Variants in NR1H4 observed in about 807,000 individuals in gnomAD.
The protein encoded by NR1H4 is bile acid receptor.
A neutral mutation model predicts 58.5 loss-of-function variants in NR1H4; 23 were observed. The observed-to-expected ratio is 0.39, with a 90% CI of 0.28 to 0.56. The LOEUF is 0.56. Among genes scored for constraint, NR1H4 ranks in the 20% least tolerant of loss-of-function variants. The pLI is 0.58. For synonymous variants in NR1H4, 214 were observed against 198.0 expected, an observed-to-expected ratio of 1.08 and a Z score of -0.68; for missense variants, 487 against 576.9, an observed-to-expected ratio of 0.84 and a Z score of 1.60.
intron 1 of NR1H4, among the ~76,000 whole-genome samples, chr12:100,490,594 T>C (rs920225687): frequency 1.3e-5 from 2 of 152,154 alleles, no homozygotes; most frequent in African/African-American, 4.8e-5. Context: ...TGCCTAAATT[T>C]TGATGGGGAG....
chr12:100,478,999 C>T (rs1252294366), intron 1 of NR1H4, among the ~76,000 whole-genome samples: 1 of 152,236 alleles, frequency 6.6e-6, no homozygotes, highest in African/African-American at 2.4e-5. Context: ...CAGATATTTT[C>T]TGTGTTTACT....
intron 3 of NR1H4, among the ~76,000 whole-genome samples, chr12:100,499,410 A>G (rs1953784135): frequency 1.3e-5 from 2 of 152,258 alleles, no homozygotes; most frequent in Admixed American, 1.3e-4. Flanking sequence ...CCATAGCTGT[A>G]AGCAGTCTCT....
intron 1 of NR1H4, among the ~76,000 whole-genome samples, chr12:100,481,001 T>C (rs1953367669): frequency 6.6e-6 from 1 of 152,206 alleles, no homozygotes; most frequent in Non-Finnish European, 1.5e-5. Flanking sequence ...GCATTCTTTC[T>C]TAGATATGGA....
At position 100,563,510 on chromosome 12, in the gene NR1H4, T is replaced by C. The variant is rs768665249; in HGVS notation, c.*21T>C. On this transcript the variant is annotated 3_prime_UTR_variant, in exon 11 of 11. Transcript: ENST00000392986. ...AGTGATGGGGATTACAGGGGAGGGGTCTAGCTCCTTTTTCTCTCTCATATT... is the reference window on the plus strand; with the variant it reads ...AGTGATGGGGATTACAGGGGAGGGGCCTAGCTCCTTTTTCTCTCTCATATT... The C allele has an allele frequency of 6.4e-7, 1 of 1,562,832 alleles. No homozygotes were observed. Among genetic ancestry groups the C allele is most frequent in the Admixed American group, 1.7e-5 (1 of 59,936 alleles).
chr12:100,562,034 T>C lies in NR1H4; in HGVS notation c.1192+36T>C, dbSNP rs770617773. The C allele has an allele frequency of 3.2e-5, 33 of 1,016,238 alleles. No individual in the cohort carries two copies. The East Asian group carries it at 5.9e-4, about 18-fold the overall frequency. The allele number at this position is 1,016,238 out of a possible 1,614,324, so 63.0% of individuals were successfully genotyped here. ...TGTTACATTTTAATTTTTATGCCAT[T>C]TTTTTCAGTATACTAGTAATAACGT... is the stretch of plus-strand genomic sequence containing the variant. On this transcript the variant is annotated intron_variant, in intron 10 of 10. Coordinates refer to ENST00000392986, the MANE Select transcript of NR1H4 (RefSeq NM_001206979.2).
intron 1 of NR1H4, among the ~76,000 whole-genome samples, chr12:100,484,690 T>C (rs1953453216): frequency 6.6e-6 from 1 of 152,170 alleles, no homozygotes; most frequent in Admixed American, 6.6e-5. Flanking sequence ...TGCTATGCAC[T>C]CTGGTCACCA....
At chr12:100,537,149 T>C (rs933679074) in intron 8 of NR1H4, 102 bp downstream of exon 8, 13 of 768,406 alleles carry the variant, frequency 1.7e-5, no homozygotes, top group Non-Finnish European at 2.4e-5. Context: ...TTTCAAAACA[T>C]TCCTGTGAGA....
intron 3 of NR1H4, among the ~76,000 whole-genome samples, chr12:100,510,296 T>C (rs1954073451): frequency 6.6e-6 from 1 of 152,130 alleles, no homozygotes; most frequent in Non-Finnish European, 1.5e-5. Context: ...ATTGACAAAT[T>C]TCCCCCCAAA....
intron 4 of NR1H4, among the ~76,000 whole-genome samples, chr12:100,529,618 A>G (rs559711707): frequency 6.6e-6 from 1 of 152,118 alleles, no homozygotes; most frequent in East Asian, 1.9e-4. Flanking sequence ...AATTTTCATA[A>G]CACCCTGTGT....
rs911488115 is a variant in NR1H4, at chr12:100,556,109, T to TA, written c.1079-5770dup. 3.9e-5 allele frequency among the ~76,000 whole-genome samples: 6 copies of TA among 152,176 alleles called. 1 individual carries two copies. The highest frequency in any genetic ancestry group is 1.4e-4 in the African/African-American group (6 of 41,442). ...GATTTAATTTGGGAAGACTGTTTTTTAAAAAATATTTAAACATTTATTGTG... is the reference window on the plus strand; with the variant it reads ...GATTTAATTTGGGAAGACTGTTTTTTAAAAAAATATTTAAACATTTATTGTG... On this transcript the variant is annotated intron_variant, in intron 9 of 10. Coordinates refer to ENST00000392986, the MANE Select transcript of NR1H4 (RefSeq NM_001206979.2).
At chr12:100,504,392 C>T (rs555897642) in intron 3 of NR1H4, among the ~76,000 whole-genome samples, 34 of 152,052 alleles carry the variant, frequency 2.2e-4, no homozygotes, top group African/African-American at 8.2e-4. Flanking sequence ...TAAAAGTGAC[C>T]GACACTGTAT....
intron 3 of NR1H4, chr12:100,505,715 C>A: frequency 1.6e-6 from 1 of 634,712 alleles, no homozygotes; most frequent in Non-Finnish European, 2.8e-6. Context: ...ATTCCTAAAT[C>A]TAAATTTTAA....
intron 3 of NR1H4, chr12:100,505,819 C>T (rs1593064303): frequency 6.4e-6 from 3 of 470,592 alleles, no homozygotes; most frequent in East Asian, 7.2e-5. Flanking sequence ...CCTCTACTCC[C>T]TCCACATCTT....
At chr12:100,511,266 C>T (rs1262026656) in intron 4 of NR1H4, 123 bp downstream of exon 4, 2 of 1,148,524 alleles carry the variant, frequency 1.7e-6, no homozygotes, top group Non-Finnish European at 2.6e-6. Flanking sequence ...GTGCGCCTAC[C>T]TCCTCCTACA....
intron 9 of NR1H4, among the ~76,000 whole-genome samples, chr12:100,552,233 G>A (rs1955219064): frequency 6.6e-6 from 1 of 152,294 alleles, no homozygotes; most frequent in African/African-American, 2.4e-5. Context: ...CTAAGCCCTG[G>A]TGAGACCTAA....
At chr12:100,502,530 G>C (rs1239567731) in intron 3 of NR1H4, among the ~76,000 whole-genome samples, 1 of 151,852 alleles carries the variant, frequency 6.6e-6, no homozygotes, top group African/African-American at 2.4e-5. Context: ...AAGGATACAA[G>C]TCATATTGGA....
intron 3 of NR1H4, among the ~76,000 whole-genome samples, chr12:100,494,647 T>C (rs909657606): frequency 1.2e-4 from 18 of 152,254 alleles, no homozygotes; most frequent in Non-Finnish European, 2.4e-4. Flanking sequence ...TCAAGGGCAG[T>C]GGGAGGCCCT....
chr12:100,513,987 C>T (rs1434674508), intron 4 of NR1H4, among the ~76,000 whole-genome samples: 1 of 152,168 alleles, frequency 6.6e-6, no homozygotes, highest in Non-Finnish European at 1.5e-5. Flanking sequence ...AGAAAAAGAA[C>T]AAACTTTATA....
At chr12:100,476,304 A>G (rs1011784961) in intron 1 of NR1H4, among the ~76,000 whole-genome samples, 1 of 152,184 alleles carries the variant, frequency 6.6e-6, no homozygotes, top group South Asian at 2.1e-4. Context: ...CCCAGGAACT[A>G]GTTAGACGTT....
Sources: gnomAD v4.1 joint callset for allele counts (sites outside exome capture counted in the v4.1 genomes callset) on GRCh38, gnomAD v4.1.1 for gene constraint, MANE v1.5 for transcripts, NCBI Gene and HGNC (gene_info 2026-07-23, HGNC 2026-07-21) for gene names.